The following DNAH12 variants were observed in gnomAD, a reference collection of about 807,000 sequenced individuals.
DNAH12 encodes the protein axonemal beta dynein heavy chain 12.
DNAH12 carries 285 observed loss-of-function variants against 371.5 expected under a neutral mutation model. The observed-to-expected ratio is 0.77, with a 90% confidence interval of 0.70 to 0.85. The LOEUF (loss-of-function observed/expected upper bound fraction) is 0.85. Among genes scored for constraint, DNAH12 ranks in the 40% least tolerant of loss-of-function variants. The pLI, the probability that DNAH12 is intolerant of heterozygous loss-of-function variation, is 0.00. For synonymous variants in DNAH12, 1,200 were observed against 1,213.0 expected, an observed-to-expected ratio of 0.99 and a Z score of 0.22; for missense variants, 3,611 against 3,689.4, an observed-to-expected ratio of 0.98 and a Z score of 0.55.
intron 69 of DNAH12, among the ~76,000 whole-genome samples, chr3:57,308,153 G>A (rs1170219714): frequency 3.3e-5 from 5 of 152,078 alleles, no homozygotes; most frequent in Admixed American, 6.5e-5. Context: ...TCTTGGTCTG[G>A]GTAGACACTT....
Position 57,323,483 on chromosome 3 carries a change from G to C in DNAH12, c.10115C>G (p.Ala3372Gly), listed in dbSNP as rs901431179. ...TATGCACTTACTGGCCATAGGATCT[G>C]CTCCTGGAGATAGAACAAAAATTAA... is the stretch of plus-strand genomic sequence containing the variant. ...IPLIFVLSPG[A>G]DPMASLLKFA... The change falls in exon 63 of 74, where the codon GCA (alanine) becomes GGA (glycine). Residue 3372 changes from alanine to glycine, a missense_variant. By Grantham distance (60) the Ala-to-Gly change is moderately conservative. Transcript: ENST00000495027. 1 of 1,547,720 alleles carries C rather than the reference G, an allele frequency of 6.5e-7. No individual in the cohort carries two copies. The highest frequency in any genetic ancestry group is 2.0e-5 in the Admixed American group (1 of 49,876).
chr3:57,357,583 CAA>C (rs1238812840), intron 58 of DNAH12, among the ~76,000 whole-genome samples: 2 of 151,802 alleles, frequency 1.3e-5, no homozygotes, highest in Admixed American at 6.6e-5. Flanking sequence ...AAAGGAGGAA[CAA>C]GAGAGGAAAA....
chr3:57,311,343 C>G (rs757427382), intron 66 of DNAH12, among the ~76,000 whole-genome samples: 3 of 152,182 alleles, frequency 2.0e-5, no homozygotes, highest in Admixed American at 6.5e-5. Context: ...TCCCAAAGTG[C>G]TGGGATTACA....
chr3:57,401,580 AAAGAAG>A (rs1221293977), intron 43 of DNAH12, among the ~76,000 whole-genome samples: 3 of 129,840 alleles, frequency 2.3e-5, no homozygotes, highest in African/African-American at 8.8e-5. Flanking sequence ...AAAAAAAAAA[AAAGAAG>A]AAGAAGAAGA....
At chr3:57,297,105 CT>C in intron 70 of DNAH12, 121 bp from the exon 71 acceptor site, 1 of 1,127,110 alleles carries the variant, frequency 8.9e-7, no homozygotes, top group Non-Finnish European at 1.3e-6. Context: ...ACGAGGCCCT[CT>C]TCCCTGACGT....
intron 43 of DNAH12, among the ~76,000 whole-genome samples, chr3:57,397,803 G>C (rs2063776217): frequency 6.6e-6 from 1 of 152,156 alleles, no homozygotes; most frequent in Non-Finnish European, 1.5e-5. Context: ...AGGTTGATTG[G>C]TGAAGATCTT....
At chr3:57,485,175 T>C (rs2066881394) in intron 12 of DNAH12, among the ~76,000 whole-genome samples, 1 of 152,174 alleles carries the variant, frequency 6.6e-6, no homozygotes, top group African/African-American at 2.4e-5. Context: ...GCAATCCCAC[T>C]ACTAGGTATC....
At position 57,446,771 on chromosome 3, in the gene DNAH12, G is replaced by A. The variant is rs1018880792; in HGVS notation, c.3787-82C>T. ...GACACTTGTTTACCAAATGGATTTA[G>A]CCTGTTCTGTAGCTTCAGAGAAGCC... is the stretch of plus-strand genomic sequence containing the variant. On this transcript the variant is annotated intron_variant, in intron 25 of 73. Coordinates refer to ENST00000495027, the MANE Select transcript of DNAH12 (RefSeq NM_001366028.2). 8 of 1,302,482 alleles carry A rather than the reference G, an allele frequency of 6.1e-6. No homozygotes were observed. In the Admixed American group the frequency reaches 2.7e-4, roughly 44 times the overall value. 80.7% of individuals were successfully genotyped at this position (1,302,482 alleles called of 1,614,324 possible).
chr3:57,348,917 G>A (rs782689635), intron 60 of DNAH12, among the ~76,000 whole-genome samples: 1 of 152,242 alleles, frequency 6.6e-6, no homozygotes, highest in South Asian at 2.1e-4. Flanking sequence ...CCAAGAATAA[G>A]AAAGACACTC....
At chr3:57,508,085 G>A (rs2067831918) in intron 7 of DNAH12, among the ~76,000 whole-genome samples, 1 of 151,400 alleles carries the variant, frequency 6.6e-6, no homozygotes, top group South Asian at 2.1e-4. Context: ...TACTCGGAAG[G>A]CTGAGGCAGG....
At chr3:57,530,527 A>G (rs2068803308) in intron 2 of DNAH12, 1 of 711,778 alleles carries the variant, frequency 1.4e-6, no homozygotes, top group East Asian at 2.7e-5. Flanking sequence ...CTTTCATCAT[A>G]TTTCTTCTAA....
At chr3:57,465,759 A>T (rs983856984) in intron 17 of DNAH12, among the ~76,000 whole-genome samples, 1 of 152,180 alleles carries the variant, frequency 6.6e-6, no homozygotes, top group African/African-American at 2.4e-5. Context: ...ATCAATAAGA[A>T]AAAGGTCAAT....
Position 57,510,940 on chromosome 3 carries a change from GACTACTTTCT to G in DNAH12, c.309_318del (p.Glu104LeufsTer2), listed in dbSNP as rs760650777. 2.8e-5 allele frequency: 45 copies of G among 1,611,482 alleles called. No homozygotes were observed. In the African/African-American group the frequency reaches 5.2e-4, roughly 19 times the overall value. The stretch of plus-strand genomic sequence containing the variant: ...CATTCCTGCTGAATAGGTACTAAAG[GACTACTTTCT>G]ACACATTGCTTCATATAAATATAGT... On this transcript the variant is annotated frameshift_variant, in exon 5 of 74. Transcript: ENST00000495027. LOFTEE classifies it high-confidence loss of function.
chr3:57,524,000 T>C (rs1461175810), intron 2 of DNAH12, 116 bp from the exon 3 acceptor site: 1 of 632,724 alleles, frequency 1.6e-6, no homozygotes, highest in Non-Finnish European at 2.4e-6. Context: ...GTTATCTTAC[T>C]GAATTTTTTA....
chr3:57,474,714 T>C (rs1437380107), intron 13 of DNAH12, among the ~76,000 whole-genome samples: 1 of 152,148 alleles, frequency 6.6e-6, no homozygotes, highest in African/African-American at 2.4e-5. Flanking sequence ...ATCCCAACAC[T>C]TTGGGAGGCC....
chr3:57,547,302 C>T (rs184266941), upstream of DNAH12, among the ~76,000 whole-genome samples: 77 of 151,206 alleles, frequency 5.1e-4, 1 homozygote, highest in East Asian at 5.6e-3. Flanking sequence ...ATACAATGTA[C>T]GTCCTTTTTT....
At chr3:57,509,785 C>A (rs554312614) in intron 5 of DNAH12, among the ~76,000 whole-genome samples, 1 of 145,590 alleles carries the variant, frequency 6.9e-6, no homozygotes, top group South Asian at 2.2e-4. Flanking sequence ...TCGCTTGAAC[C>A]TGGGAGGTGG....
At chr3:57,372,467 A>T (rs2063195436) in intron 55 of DNAH12, among the ~76,000 whole-genome samples, 1 of 152,110 alleles carries the variant, frequency 6.6e-6, no homozygotes, top group Non-Finnish European at 1.5e-5. Flanking sequence ...CTTATATTTA[A>T]TCACTCTAAA....
the DNAH12 span, among the ~76,000 whole-genome samples, chr3:57,549,733 C>G: frequency 6.6e-6 from 1 of 151,938 alleles, no homozygotes; most frequent in African/African-American, 2.4e-5. Context: ...AAATCATCCT[C>G]CCACCTCAGC....
Sources: allele counts gnomAD v4.1 joint callset (sites outside exome capture counted in the v4.1 genomes callset), GRCh38; gene constraint gnomAD v4.1.1; transcripts MANE v1.5; gene names NCBI Gene and HGNC (gene_info 2026-07-23, HGNC 2026-07-21).